Variants in TMPRSS15 observed in about 807,000 individuals in gnomAD.
TMPRSS15 encodes the protein transmembrane serine protease 15.
Under a neutral mutation model 125.3 loss-of-function variants are expected in TMPRSS15, and 128 were observed. That is an observed-to-expected ratio of 1.02 (90% CI 0.89 to 1.18). The LOEUF (loss-of-function observed/expected upper bound fraction) is 1.18, where lower values mean the gene tolerates loss of function less well. Among genes scored for constraint, TMPRSS15 ranks in the 50% most tolerant of loss-of-function variants. The pLI, the probability that TMPRSS15 is intolerant of heterozygous loss-of-function variation, is 0.00. For synonymous variants in TMPRSS15, 446 were observed against 423.2 expected (o/e 1.05, Z -0.66); for missense variants, 1,283 against 1,212.7 (o/e 1.06, Z -0.86).
intron 23 of TMPRSS15, among the ~76,000 whole-genome samples, chr21:18,277,094 A>C (rs964845800): frequency 6.6e-6 from 1 of 152,126 alleles, no homozygotes; most frequent in African/African-American, 2.4e-5. Flanking sequence ...GAAATTAAGT[A>C]GATGGAAGTC....
chr21:18,398,065 TA>T (rs2076056364), intron 2 of TMPRSS15, 119 bp from the exon 3 acceptor site: 2 of 1,254,962 alleles, frequency 1.6e-6, no homozygotes, highest in Non-Finnish European at 2.3e-6. Flanking sequence ...TTCTCCATAG[TA>T]ATGGGGCTCA....
intron 19 of TMPRSS15, among the ~76,000 whole-genome samples, chr21:18,297,467 A>G (rs1324362893): frequency 6.6e-6 from 1 of 152,238 alleles, no homozygotes; most frequent in Non-Finnish European, 1.5e-5. Flanking sequence ...AAAGGGTATA[A>G]AATTAAAACA....
At chr21:18,338,044 A>G (rs1295366315) in intron 13 of TMPRSS15, among the ~76,000 whole-genome samples, 1 of 152,218 alleles carries the variant, frequency 6.6e-6, no homozygotes. Flanking sequence ...GTTAAAATAG[A>G]CAGGGACACC....
intron 1 of TMPRSS15, among the ~76,000 whole-genome samples, chr21:18,450,810 T>C (rs1204034985): frequency 2.6e-5 from 4 of 152,208 alleles, no homozygotes; most frequent in Non-Finnish European, 5.9e-5. Flanking sequence ...ATACTGGAAG[T>C]TATTACATCT....
intron 3 of TMPRSS15, among the ~76,000 whole-genome samples, chr21:18,394,720 C>A (rs1245423044): frequency 1.3e-5 from 2 of 151,826 alleles, no homozygotes; most frequent in East Asian, 3.9e-4. Context: ...GAAAAAAAAA[C>A]ACATTCCTAC....
chr21:18,336,650 A>G (rs2075395875), intron 13 of TMPRSS15, among the ~76,000 whole-genome samples: 1 of 152,186 alleles, frequency 6.6e-6, no homozygotes, highest in Non-Finnish European at 1.5e-5. Context: ...AACGTAGGCT[A>G]TTAGTTTGCT....
intron 1 of TMPRSS15, among the ~76,000 whole-genome samples, chr21:18,450,385 A>G (rs1053297728): frequency 6.6e-6 from 1 of 152,104 alleles, no homozygotes; most frequent in Non-Finnish European, 1.5e-5. Flanking sequence ...TCAGTTTCAC[A>G]TGGCGATTTC....
At chr21:18,292,263 T>G (rs755591126) in intron 21 of TMPRSS15, among the ~76,000 whole-genome samples, 1 of 152,208 alleles carries the variant, frequency 6.6e-6, no homozygotes, top group Admixed American at 6.5e-5. Context: ...AAGAAAAACT[T>G]AAAGACAGGG....
chr21:18,393,988 T>C (rs1022522225), intron 3 of TMPRSS15, among the ~76,000 whole-genome samples: 4 of 152,192 alleles, frequency 2.6e-5, no homozygotes, highest in Admixed American at 2.0e-4. Context: ...AAGCCCTATA[T>C]GTGTGTTAAG....
At chr21:18,391,417 C>A (rs543076388) in intron 3 of TMPRSS15, among the ~76,000 whole-genome samples, 1 of 152,356 alleles carries the variant, frequency 6.6e-6, no homozygotes, top group Admixed American at 6.5e-5. Context: ...AAAGGGGCTA[C>A]AGGCCCCATG....
At chr21:18,462,580 C>T (rs1278842885) in intron 1 of TMPRSS15, among the ~76,000 whole-genome samples, 1 of 151,832 alleles carries the variant, frequency 6.6e-6, no homozygotes, top group Admixed American at 6.6e-5. Flanking sequence ...ACTTTTGAAA[C>T]ATTTAAGCAG....
chr21:18,437,105 T>C (rs2076229652), intron 1 of TMPRSS15, among the ~76,000 whole-genome samples: 1 of 149,262 alleles, frequency 6.7e-6, no homozygotes, highest in Non-Finnish European at 1.5e-5. Context: ...CAAAACAGCA[T>C]GGTACTGGTA....
At chr21:18,413,376 CCTTT>C (rs1432818730) in intron 1 of TMPRSS15, among the ~76,000 whole-genome samples, 16 of 127,732 alleles carry the variant, frequency 1.3e-4, no homozygotes, top group South Asian at 7.5e-4. Flanking sequence ...TTCCTTCCTT[CCTTT>C]CTTTCTATCT....
chr21:18,458,652 T>G (rs1377095623), intron 1 of TMPRSS15, among the ~76,000 whole-genome samples: 3 of 152,092 alleles, frequency 2.0e-5, no homozygotes, highest in Non-Finnish European at 4.4e-5. Flanking sequence ...GAATTAACAT[T>G]TTACTGCAAA....
At chr21:18,403,088 C>T (rs1051832073) in intron 1 of TMPRSS15, among the ~76,000 whole-genome samples, 4 of 152,102 alleles carry the variant, frequency 2.6e-5, no homozygotes, top group African/African-American at 9.7e-5. Flanking sequence ...TATCTACTTA[C>T]ATATTCAACA....
intron 17 of TMPRSS15, among the ~76,000 whole-genome samples, chr21:18,313,627 T>G (rs1437710502): frequency 4.6e-5 from 7 of 151,920 alleles, no homozygotes; most frequent in Non-Finnish European, 1.0e-4. Context: ...TCTTAATATT[T>G]CGAGTTTAGA....
intron 21 of TMPRSS15, among the ~76,000 whole-genome samples, chr21:18,293,009 T>C (rs1196342254): frequency 6.6e-6 from 1 of 152,290 alleles, no homozygotes; most frequent in East Asian, 1.9e-4. Context: ...GATGGGATGG[T>C]GCTGTCGGTA....
At chr21:18,367,047 T>G (rs1233846449) in intron 6 of TMPRSS15, among the ~76,000 whole-genome samples, 1 of 152,060 alleles carries the variant, frequency 6.6e-6, no homozygotes, top group Non-Finnish European at 1.5e-5. Context: ...TATTTTCAGG[T>G]GCATAAAAAT....
At chr21:18,423,790 A>G (rs777667916) in intron 1 of TMPRSS15, among the ~76,000 whole-genome samples, 10 of 152,080 alleles carry the variant, frequency 6.6e-5, no homozygotes, top group South Asian at 2.1e-4. Flanking sequence ...ATGCATCTCT[A>G]TGAAACTGAG....
Sources: gnomAD v4.1 joint callset for allele counts (sites outside exome capture counted in the v4.1 genomes callset) on GRCh38, gnomAD v4.1.1 for gene constraint, MANE v1.5 for transcripts, NCBI Gene and HGNC (gene_info 2026-07-23, HGNC 2026-07-21) for gene names.